SLC68A1: variants seen among roughly 807,000 people sequenced by gnomAD.
SLC68A1 encodes the protein solute carrier family 68 member 1, also known as major facilitator superfamily domain containing 13A.
chr10:102,470,066 C>T, the SLC68A1 span: 4 of 1,614,022 alleles, frequency 2.5e-6, no homozygotes, highest in Non-Finnish European at 3.4e-6. Context: ...TTCCTCAGCT[C>T]CCAGCCCCGG....
the SLC68A1 span, among the ~76,000 whole-genome samples, chr10:102,461,690 G>T: frequency 2.3e-4 from 35 of 152,292 alleles, no homozygotes; most frequent in Non-Finnish European, 2.1e-4. Flanking sequence ...CTCTCCGGGG[G>T]TCTGGAGGAA....
chr10:102,473,527 C>T, the SLC68A1 span: 1 of 1,553,732 alleles, frequency 6.4e-7, no homozygotes, highest in South Asian at 1.2e-5. Context: ...ACTGGCACTG[C>T]AGCAGTGCCC....
the SLC68A1 span, among the ~76,000 whole-genome samples, chr10:102,463,094 G>T: frequency 1.3e-5 from 2 of 152,116 alleles, no homozygotes; most frequent in Admixed American, 6.5e-5. Context: ...GACCCAGCAG[G>T]GATTGACTGA....
At chr10:102,466,313 ATC>A in the SLC68A1 span, among the ~76,000 whole-genome samples, 2 of 151,904 alleles carry the variant, frequency 1.3e-5, no homozygotes, top group African/African-American at 4.8e-5. Context: ...GTGAAACCCC[ATC>A]TCTACAAAAA....
chr10:102,470,007 C>G, the SLC68A1 span: 2 of 1,614,092 alleles, frequency 1.2e-6, no homozygotes, highest in East Asian at 2.2e-5. Context: ...TGTTTCTCCT[C>G]TGGAACAGCC....
At chr10:102,465,109 T>A in the SLC68A1 span, among the ~76,000 whole-genome samples, 4 of 151,492 alleles carry the variant, frequency 2.6e-5, no homozygotes, top group African/African-American at 9.7e-5. Context: ...AAAAAAAAAA[T>A]TTGCCGAGTG....
the SLC68A1 span, chr10:102,471,428 C>T: frequency 8.8e-6 from 14 of 1,598,098 alleles, no homozygotes; most frequent in South Asian, 1.4e-4. Flanking sequence ...CCCTCTACAG[C>T]TGGGCTGGAC....
chr10:102,473,050 T>C, the SLC68A1 span: 6 of 1,014,212 alleles, frequency 5.9e-6, no homozygotes, highest in Non-Finnish European at 9.3e-6. Context: ...ATGGTCTCCA[T>C]TTCCCGACCC....
the SLC68A1 span, among the ~76,000 whole-genome samples, chr10:102,465,438 AT>A: frequency 5.9e-5 from 9 of 152,120 alleles, no homozygotes; most frequent in South Asian, 2.1e-4. Context: ...AAAAAAAAAA[AT>A]AGCTGCTGTG....
chr10:102,471,062 C>G, the SLC68A1 span: 1 of 1,613,600 alleles, frequency 6.2e-7, no homozygotes, highest in Non-Finnish European at 8.5e-7. Context: ...GCTGAGGCGG[C>G]GGGTTGAGGC....
chr10:102,474,976 T>G, the SLC68A1 span, among the ~76,000 whole-genome samples: 2 of 150,712 alleles, frequency 1.3e-5, no homozygotes, highest in African/African-American at 4.9e-5. Context: ...GGAAGTGACG[T>G]AGTGTGATTG....
the SLC68A1 span, chr10:102,473,117 C>T: frequency 1.7e-5 from 11 of 647,152 alleles, no homozygotes; most frequent in Non-Finnish European, 1.9e-5. Flanking sequence ...TGAGCCACTG[C>T]GCCCAGCCAG....
the SLC68A1 span, chr10:102,476,527 C>T: frequency 1.8e-5 from 18 of 986,056 alleles, no homozygotes; most frequent in East Asian, 1.1e-4. Context: ...TACCAGCACC[C>T]TGCTCCACTG....
At chr10:102,470,889 G>A in the SLC68A1 span, 1 of 1,613,038 alleles carries the variant, frequency 6.2e-7, no homozygotes, top group Non-Finnish European at 8.5e-7. Context: ...GCCCACGACC[G>A]CACCCACCTC....
chr10:102,470,179 T>A, the SLC68A1 span: 1 of 1,062,396 alleles, frequency 9.4e-7, no homozygotes, highest in South Asian at 1.4e-5. Flanking sequence ...AAGGGGAGAC[T>A]ATTTCAGTGT....
chr10:102,465,098 CAA>C, the SLC68A1 span, among the ~76,000 whole-genome samples: 4 of 149,426 alleles, frequency 2.7e-5, no homozygotes, highest in Non-Finnish European at 3.0e-5. Context: ...ACTAAATATA[CAA>C]AAAAAAAATT....
the SLC68A1 span, among the ~76,000 whole-genome samples, chr10:102,467,717 C>T: frequency 6.6e-5 from 10 of 151,996 alleles, no homozygotes; most frequent in South Asian, 2.1e-4. Context: ...AGTGCGTTGG[C>T]GCAATCTTGG....
chr10:102,469,362 A>G, the SLC68A1 span, among the ~76,000 whole-genome samples: 1 of 152,048 alleles, frequency 6.6e-6, no homozygotes, highest in Non-Finnish European at 1.5e-5. Flanking sequence ...GGAGGCCTTG[A>G]TGACTCCTCC....
chr10:102,473,928 C>T, the SLC68A1 span: 1 of 1,613,890 alleles, frequency 6.2e-7, no homozygotes, highest in Non-Finnish European at 8.5e-7. Flanking sequence ...CTCGGCACTC[C>T]TCTTTGGCAT....
Sources: gnomAD v4.1 joint callset for allele counts (sites outside exome capture counted in the v4.1 genomes callset) on GRCh38, gnomAD v4.1.1 for gene constraint, MANE v1.5 for transcripts, NCBI Gene and HGNC (gene_info 2026-07-23, HGNC 2026-07-21) for gene names.